Variants in ANKRD11 observed in about 807,000 individuals in gnomAD.
ANKRD11 encodes the protein ankyrin repeat domain 11.
ANKRD11 carries 17 observed loss-of-function variants against 195.7 expected under a neutral mutation model. The observed-to-expected ratio is 0.09, with a 90% CI of 0.06 to 0.13. ANKRD11 has a LOEUF of 0.13. ANKRD11 is among the 10% of genes least tolerant of loss of function. The pLI, the probability that ANKRD11 is intolerant of heterozygous loss-of-function variation, is 1.00. For missense variants in ANKRD11, 3,735 were observed against 3,566.1 expected (o/e 1.05, Z -1.21); for synonymous variants, 1,953 against 1,528.1 (o/e 1.28, Z -6.49).
intron 1 of ANKRD11, among the ~76,000 whole-genome samples, chr16:89,458,375 C>G (rs538410347): frequency 3.9e-5 from 6 of 152,248 alleles, no homozygotes; most frequent in Admixed American, 3.9e-4. Flanking sequence ...CAGGCGCCCG[C>G]CACCACGCCC....
At chr16:89,442,859 C>T (rs979514422) in intron 1 of ANKRD11, among the ~76,000 whole-genome samples, 1 of 151,618 alleles carries the variant, frequency 6.6e-6, no homozygotes, top group African/African-American at 2.4e-5. Context: ...CACAAGCCGG[C>T]CACCACCTCC....
At chr16:89,381,354 A>ACGG (rs1555560066) in intron 2 of ANKRD11, among the ~76,000 whole-genome samples, 1 of 125,346 alleles carries the variant, frequency 8.0e-6, no homozygotes, top group East Asian at 2.2e-4. Flanking sequence ...AAAAAAAAAA[A>ACGG]GGGGTGAGAA....
chr16:89,465,398 C>T (rs1469201737), intron 1 of ANKRD11, among the ~76,000 whole-genome samples: 1 of 152,160 alleles, frequency 6.6e-6, no homozygotes, highest in African/African-American at 2.4e-5. Context: ...ATTAGACTGG[C>T]GTTGGACTTC....
intron 7 of ANKRD11, chr16:89,288,173 G>A: frequency 5.0e-6 from 3 of 604,190 alleles, no homozygotes; most frequent in Non-Finnish European, 8.8e-6. Flanking sequence ...GGTCTGCCTT[G>A]CAGGTCTAAC....
intron 1 of ANKRD11, among the ~76,000 whole-genome samples, chr16:89,423,460 T>C (rs2042595632): frequency 6.6e-6 from 1 of 152,194 alleles, no homozygotes; most frequent in Admixed American, 6.5e-5. Context: ...AGCATACGGA[T>C]GGGTTTTAAG....
At chr16:89,341,589 C>A (rs2038661588) in intron 2 of ANKRD11, among the ~76,000 whole-genome samples, 1 of 152,194 alleles carries the variant, frequency 6.6e-6, no homozygotes. Flanking sequence ...GATTAAAGGA[C>A]CACCCACTGC....
At chr16:89,482,243 C>T (rs1292582732) in intron 1 of ANKRD11, among the ~76,000 whole-genome samples, 1 of 152,182 alleles carries the variant, frequency 6.6e-6, no homozygotes, top group Admixed American at 6.5e-5. Context: ...GAGCACACTG[C>T]ACCCCATTTG....
chr16:89,313,703 G>T, intron 3 of ANKRD11: 1 of 866,794 alleles, frequency 1.2e-6, no homozygotes, highest in Non-Finnish European at 1.6e-6. Flanking sequence ...CAGGTCAGAT[G>T]TGTGCACCTG....
At chr16:89,323,506 G>A (rs2037482326) in intron 2 of ANKRD11, among the ~76,000 whole-genome samples, 1 of 104,648 alleles carries the variant, frequency 9.6e-6, no homozygotes, top group Non-Finnish European at 2.0e-5. Flanking sequence ...GCAGAGCCCA[G>A]GGCAGGGGGG....
In ANKRD11 at chr16:89,284,694, C is replaced by T; in HGVS notation, c.1848G>A (p.Glu616=). Residue 616 remains glutamate (E), a synonymous_variant, in exon 9 of 13, where the codon GAG becomes GAA. Coordinates refer to ENST00000301030, the MANE Select transcript of ANKRD11 (RefSeq NM_013275.6). ...CCTTGTCCAGTTTGGGGACAGCGCC[C>T]TCCGCGCTGGACAGGAAGGGGCTCT... The part of the protein sequence containing the change: ...EKKSPFLSSA[E]GAVPKLDKEG... 2 of 1,613,972 alleles carry T rather than the reference C, an allele frequency of 1.2e-6. No homozygotes were observed. Among genetic ancestry groups the T allele is most frequent in the Non-Finnish European group, 1.7e-6 (2 of 1,180,032 alleles).
chr16:89,355,217 G>A (rs2039414203), intron 2 of ANKRD11, among the ~76,000 whole-genome samples: 1 of 151,998 alleles, frequency 6.6e-6, no homozygotes, highest in South Asian at 2.1e-4. Flanking sequence ...GGCGGGCAGA[G>A]GGCTCACGGA....
intron 2 of ANKRD11, among the ~76,000 whole-genome samples, chr16:89,328,149 T>C (rs896860644): frequency 1.0e-5 from 1 of 98,252 alleles, no homozygotes; most frequent in African/African-American, 3.6e-5. Flanking sequence ...AAAGCCGCAA[T>C]GAGATATTAC....
At chr16:89,306,194 A>C (rs1213803190) in intron 3 of ANKRD11, among the ~76,000 whole-genome samples, 4 of 61,096 alleles carry the variant, frequency 6.5e-5, no homozygotes, top group South Asian at 6.7e-4. Flanking sequence ...CCTACCTCCC[A>C]CTCCGCAGAC....
chr16:89,275,213 G>C, intron 9 of ANKRD11, 22 bp from the exon 10 acceptor site: 1 of 1,586,196 alleles, frequency 6.3e-7, no homozygotes, highest in Non-Finnish European at 8.6e-7. Context: ...AGGTGAGTGT[G>C]GGGGGTCAGC....
At chr16:89,416,020 C>G (rs2042296644) in intron 2 of ANKRD11, among the ~76,000 whole-genome samples, 2 of 151,746 alleles carry the variant, frequency 1.3e-5, no homozygotes, top group African/African-American at 4.8e-5. Flanking sequence ...AAGGGCCTTC[C>G]TCGTATTCAA....
At chr16:89,347,248 G>A (rs186834112) in intron 2 of ANKRD11, among the ~76,000 whole-genome samples, 2 of 152,296 alleles carry the variant, frequency 1.3e-5, no homozygotes, top group Admixed American at 1.3e-4. Context: ...TTGACAAGCT[G>A]ACACATAAGC....
intron 2 of ANKRD11, among the ~76,000 whole-genome samples, chr16:89,318,244 G>T (rs2151923569): frequency 6.6e-6 from 1 of 152,264 alleles, no homozygotes; most frequent in African/African-American, 2.4e-5. Flanking sequence ...TCGGAGCATG[G>T]GCCTCCTCCC....
chr16:89,295,827 G>A (rs1480492670), intron 4 of ANKRD11, among the ~76,000 whole-genome samples: 2 of 135,854 alleles, frequency 1.5e-5, no homozygotes, highest in Non-Finnish European at 3.2e-5. Context: ...AGGTGGGATC[G>A]GAGGGGGGAT....
chr16:89,415,170 T>G (rs1418006244), intron 2 of ANKRD11, among the ~76,000 whole-genome samples: 1 of 151,520 alleles, frequency 6.6e-6, no homozygotes, highest in African/African-American at 2.4e-5. Flanking sequence ...CTCAGGCTGG[T>G]CTCGCACTCC....
Sources: allele counts gnomAD v4.1 joint callset (sites outside exome capture counted in the v4.1 genomes callset), GRCh38; gene constraint gnomAD v4.1.1; transcripts MANE v1.5; gene names NCBI Gene and HGNC (gene_info 2026-07-23, HGNC 2026-07-21).